Variants in CUX1 observed in about 807,000 individuals in gnomAD.
CUX1 encodes the protein protein CASP.
A neutral mutation model predicts 158.8 loss-of-function variants in CUX1; 31 were observed. The observed-to-expected ratio is 0.20, with a 90% CI of 0.15 to 0.26. CUX1 has a LOEUF of 0.26. CUX1 is among the 10% of genes least tolerant of loss of function. The pLI is 1.00. For synonymous variants in CUX1, 879 were observed against 862.1 expected (o/e 1.02, Z -0.34); for missense variants, 1,589 against 2,014.6 (o/e 0.79, Z 4.04).
At chr7:102,150,361 A>G (rs1233446054) in intron 8 of CUX1, among the ~76,000 whole-genome samples, 1 of 152,116 alleles carries the variant, frequency 6.6e-6, no homozygotes, top group Non-Finnish European at 1.5e-5. Context: ...TCATCATGTT[A>G]GCCAGGCTGG....
At chr7:102,010,028 C>T (rs188537263) in intron 2 of CUX1, among the ~76,000 whole-genome samples, 10 of 152,192 alleles carry the variant, frequency 6.6e-5, no homozygotes, top group Middle Eastern at 3.4e-3. Context: ...CTCAGAACTG[C>T]GGACTTCTTA....
rs529155575 is a variant in CUX1 at position 102,244,741 on chromosome 7, G to A, written c.3888-3671G>A. On this transcript the variant is annotated intron_variant, in intron 23 of 23. Coordinates refer to ENST00000292535, the MANE Select transcript of CUX1 (RefSeq NM_181552.4). ...TGACCATTTACCCAGGATTGATGAC[G>A]AGATTGCCAGAACAACATGCCACAG... Among the ~76,000 whole-genome samples, 19 of 152,182 alleles carry A rather than the reference G, an allele frequency of 1.2e-4. No homozygotes were observed. The East Asian group carries it at 2.1e-3, about 17-fold the overall frequency.
At chr7:102,122,242 G>A (rs1209978101) in intron 8 of CUX1, among the ~76,000 whole-genome samples, 3 of 152,144 alleles carry the variant, frequency 2.0e-5, no homozygotes, top group Non-Finnish European at 4.4e-5. Flanking sequence ...ACGAGTTGCT[G>A]TAATTACCCT....
At chr7:102,057,294 G>A (rs2130264735) in intron 3 of CUX1, among the ~76,000 whole-genome samples, 1 of 152,300 alleles carries the variant, frequency 6.6e-6, no homozygotes, top group South Asian at 2.1e-4. Flanking sequence ...TTGTTTCCAT[G>A]CCTGCTAACA....
chr7:102,032,234 G>A (rs1287162338), intron 3 of CUX1, among the ~76,000 whole-genome samples: 1 of 152,100 alleles, frequency 6.6e-6, no homozygotes, highest in East Asian at 1.9e-4. Flanking sequence ...TGGCCTGGAA[G>A]TGGTTTTTAA....
rs1312139809 is a variant in CUX1, at chr7:101,965,105, C to A, written c.141+48880C>A. Among the ~76,000 whole-genome samples, 3 of 152,216 alleles carry A rather than the reference C, an allele frequency of 2.0e-5. No individual in the cohort carries two copies. The East Asian group carries it at 5.8e-4, about 29-fold the overall frequency. Reference sequence around the variant, plus strand: ...CAGAAAAGTCATTCCCGTGCCTTGCCCCTGAGCCTCCTCGGAAATGGCAGA... The same window carrying A: ...CAGAAAAGTCATTCCCGTGCCTTGCACCTGAGCCTCCTCGGAAATGGCAGA... On this transcript the variant is annotated intron_variant, in intron 2 of 23. Coordinates refer to ENST00000292535, the MANE Select transcript of CUX1 (RefSeq NM_181552.4).
At chr7:101,954,912 G>A (rs1809570702) in intron 2 of CUX1, among the ~76,000 whole-genome samples, 1 of 150,504 alleles carries the variant, frequency 6.6e-6, no homozygotes, top group Non-Finnish European at 1.5e-5. Flanking sequence ...TGGCTCATGT[G>A]TGTAATCCCA....
At position 102,250,363 on chromosome 7, in the gene CUX1, G is replaced by GA; in HGVS notation, c.*1321_*1322insA. On this transcript the variant is annotated 3_prime_UTR_variant, in exon 24 of 24. Transcript: ENST00000292535. ...TACGGATCTCTCTCTGGCACAGAAG[G>GA]CACCTCACCTCACACCACTCTCCTG... The GA allele has an allele frequency of 2.0e-6, 2 of 985,528 alleles. No homozygotes were observed. The highest frequency in any genetic ancestry group is 2.4e-6 in the Non-Finnish European group (2 of 830,040). 61.0% of individuals were successfully genotyped at this position (985,528 alleles called of 1,614,324 possible).
intron 8 of CUX1, among the ~76,000 whole-genome samples, chr7:102,123,824 G>A (rs1194587403): frequency 6.6e-6 from 1 of 151,836 alleles, no homozygotes; most frequent in Non-Finnish European, 1.5e-5. Context: ...CACCACACCT[G>A]GCTAATTTTT....
chr7:102,020,744 G>C (rs182194480), intron 2 of CUX1, among the ~76,000 whole-genome samples: 24 of 152,246 alleles, frequency 1.6e-4, no homozygotes, highest in African/African-American at 5.8e-4. Context: ...GCTGGGCATG[G>C]TGGCGGGCGC....
At chr7:101,887,068 G>A (rs1800303741) in intron 1 of CUX1, among the ~76,000 whole-genome samples, 1 of 152,164 alleles carries the variant, frequency 6.6e-6, no homozygotes, top group African/African-American at 2.4e-5. Flanking sequence ...ATGTTCTGAC[G>A]AAGGAGGTCA....
At position 102,251,194 on chromosome 7, in the gene CUX1, A is replaced by T. The variant is rs1483896644; in HGVS notation, c.*2152A>T. On this transcript the variant is annotated 3_prime_UTR_variant, in exon 24 of 24. Coordinates refer to ENST00000292535, the MANE Select transcript of CUX1 (RefSeq NM_181552.4). ...GTCAACATCTTTGGATGACATTTTAATGGTGCATTCATTATTTCTTAAGTT... is the reference window on the plus strand; with the variant it reads ...GTCAACATCTTTGGATGACATTTTATTGGTGCATTCATTATTTCTTAAGTT... 10 of 970,284 alleles carry T rather than the reference A, an allele frequency of 1.0e-5. No individual in the cohort carries two copies. The highest frequency in any genetic ancestry group is 1.2e-5 in the Non-Finnish European group (10 of 821,898). The allele number at this position is 970,284 out of a possible 1,614,324, so 60.1% of individuals were successfully genotyped here.
intron 22 of CUX1, among the ~76,000 whole-genome samples, chr7:102,237,759 C>A (rs1799731133): frequency 2.6e-5 from 4 of 152,170 alleles, no homozygotes; most frequent in African/African-American, 9.7e-5. Context: ...CCCGGGGAAC[C>A]ACTACCACCA....
At chr7:102,203,028 G>T (rs988628203) in intron 18 of CUX1, among the ~76,000 whole-genome samples, 1 of 152,096 alleles carries the variant, frequency 6.6e-6, no homozygotes, top group Non-Finnish European at 1.5e-5. Flanking sequence ...GTGCAGTGAC[G>T]CTATCTCGGC....
At chr7:102,051,991 C>T (rs1451353198) in intron 3 of CUX1, among the ~76,000 whole-genome samples, 1 of 152,070 alleles carries the variant, frequency 6.6e-6, no homozygotes, top group Non-Finnish European at 1.5e-5. Context: ...TCAGGCAGGT[C>T]ACTTGAGGTC....
At chr7:102,146,429 C>T (rs753748881) in intron 8 of CUX1, among the ~76,000 whole-genome samples, 3 of 152,122 alleles carry the variant, frequency 2.0e-5, no homozygotes, top group Non-Finnish European at 2.9e-5. Context: ...AAGGTCATTT[C>T]GTTCGGTTCA....
chr7:102,151,718 ACT>A lies in CUX1; in HGVS notation c.675-6839_675-6838del, dbSNP rs1554503639. Among the ~76,000 whole-genome samples the A allele has an allele frequency of 3.0e-5, 3 of 101,032 alleles. No individual in the cohort carries two copies. In the East Asian group the frequency reaches 7.9e-4, roughly 27 times the overall value. 66.3% of individuals were successfully genotyped at this position (101,032 alleles called of 152,430 possible). On this transcript the variant is annotated intron_variant, in intron 8 of 23. Transcript: ENST00000292535. ...ACTCCAGCCTGGGCGACAGAGTGAGACTCTGTCTCAAAAAAAAAAAAAAAAAA... is the reference window on the plus strand; with the variant it reads ...ACTCCAGCCTGGGCGACAGAGTGAGACTGTCTCAAAAAAAAAAAAAAAAAA...
chr7:102,205,043 C>A, intron 19 of CUX1, 71 bp from the exon 20 acceptor site: 1 of 1,136,102 alleles, frequency 8.8e-7, no homozygotes, highest in South Asian at 1.3e-5. Flanking sequence ...CGGGCCTTGC[C>A]ACATTCAGTT....
intron 1 of CUX1, among the ~76,000 whole-genome samples, chr7:101,851,348 A>C (rs1584759884): frequency 6.6e-6 from 1 of 151,336 alleles, no homozygotes; most frequent in South Asian, 2.1e-4. Context: ...TGGCCCCCCT[A>C]TTCTGCCCAG....
Sources: allele counts gnomAD v4.1 joint callset (sites outside exome capture counted in the v4.1 genomes callset), GRCh38; gene constraint gnomAD v4.1.1; transcripts MANE v1.5; gene names NCBI Gene and HGNC (gene_info 2026-07-23, HGNC 2026-07-21).